APOLD1: variants seen among roughly 807,000 people sequenced by gnomAD.
APOLD1 encodes the protein apolipoprotein L domain-containing protein 1.
In APOLD1, 22 loss-of-function variants were observed where a neutral mutation model predicts 15.3. The ratio of observed to expected loss-of-function variants is 1.44; its 90% CI spans 1.03 to 2.05. The LOEUF is 2.05. APOLD1 is among the 30% of genes most tolerant of loss of function. The pLI, the probability that APOLD1 is intolerant of heterozygous loss-of-function variation, is 0.00. For synonymous variants in APOLD1, 190 were observed against 167.4 expected, an observed-to-expected ratio of 1.13 and a Z score of -1.04; for missense variants, 394 against 353.5, an observed-to-expected ratio of 1.11 and a Z score of -0.92.
intron 1 of APOLD1, among the ~76,000 whole-genome samples, chr12:12,743,832 C>T (rs907768662): frequency 6.6e-5 from 10 of 152,174 alleles, no homozygotes; most frequent in African/African-American, 2.2e-4. Context: ...GCTTAGCTTG[C>T]TGTTGCTGGC....
At chr12:12,783,743 C>T (rs2136400247), upstream of APOLD1, among the ~76,000 whole-genome samples, 1 of 151,406 alleles carries the variant, frequency 6.6e-6, no homozygotes, top group South Asian at 2.1e-4. Flanking sequence ...AAGTGATCCT[C>T]CTGCCTCAGC....
chr12:12,759,119 T>A (rs1946879432), intron 1 of APOLD1, among the ~76,000 whole-genome samples: 1 of 152,182 alleles, frequency 6.6e-6, no homozygotes, highest in African/African-American at 2.4e-5. Flanking sequence ...ATCACGCTAC[T>A]CAAATGGCAT....
chr12:12,751,056 C>T (rs1385305518), intron 1 of APOLD1, among the ~76,000 whole-genome samples: 2 of 150,846 alleles, frequency 1.3e-5, no homozygotes, highest in South Asian at 2.1e-4. Context: ...CCCAAATTGT[C>T]AGGATCACAG....
At chr12:12,754,909 T>C (rs1419497836) in intron 1 of APOLD1, among the ~76,000 whole-genome samples, 4 of 147,242 alleles carry the variant, frequency 2.7e-5, no homozygotes, top group Non-Finnish European at 5.9e-5. Flanking sequence ...TAGCCAAGCA[T>C]GGTGGCACAC....
At chr12:12,775,286 G>A (rs1325223466) in intron 1 of APOLD1, among the ~76,000 whole-genome samples, 1 of 152,226 alleles carries the variant, frequency 6.6e-6, no homozygotes, top group African/African-American at 2.4e-5. Context: ...GTTGCCAGGG[G>A]TTAGGAGGGA....
At chr12:12,771,401 AATC>A in intron 1 of APOLD1, 1 of 370,124 alleles carries the variant, frequency 2.7e-6, no homozygotes. Context: ...GCAGCAACAA[AATC>A]ATCATTATTA....
intron 1 of APOLD1, among the ~76,000 whole-genome samples, chr12:12,745,685 A>C (rs1946760180): frequency 6.6e-6 from 1 of 152,034 alleles, no homozygotes; most frequent in South Asian, 2.1e-4. Context: ...GTACACGTTG[A>C]ATTTGTGGTA....
At chr12:12,773,619 T>G (rs193062889) in intron 1 of APOLD1, among the ~76,000 whole-genome samples, 54 of 152,160 alleles carry the variant, frequency 3.5e-4, no homozygotes, top group African/African-American at 1.3e-3. Flanking sequence ...TCAATGAAAT[T>G]AAAAATAGGA....
chr12:12,726,131 C>G lies in APOLD1; in HGVS notation c.96+35C>G, dbSNP rs552054785. ...GGGAGTGCGGGAGGGTGGAGGTGGC[C>G]CGGAAAAGAACACCTCTTCGCAACC... On this transcript the variant is annotated intron_variant, in intron 1 of 1. Transcript: ENST00000326765. The G allele has an allele frequency of 3.9e-6, 4 of 1,024,608 alleles. No individual in the cohort carries two copies. The African/African-American group carries it at 6.3e-5, about 16-fold the overall frequency. The allele number at this position is 1,024,608 out of a possible 1,614,324, so 63.5% of individuals were successfully genotyped here.
chr12:12,768,275 C>T (rs975905520), intron 1 of APOLD1, among the ~76,000 whole-genome samples: 3 of 152,076 alleles, frequency 2.0e-5, no homozygotes, highest in Non-Finnish European at 4.4e-5. Flanking sequence ...GATAATTGCA[C>T]CACATTGTGT....
upstream of APOLD1, chr12:12,785,648 G>C (rs760083845): frequency 6.2e-7 from 1 of 1,614,070 alleles, no homozygotes; most frequent in Non-Finnish European, 8.5e-7. Flanking sequence ...CACTCATCCA[G>C]AAACAGCCTC....
At chr12:12,732,733 A>AG (rs1442189932) in intron 1 of APOLD1, among the ~76,000 whole-genome samples, 2 of 151,110 alleles carry the variant, frequency 1.3e-5, no homozygotes, top group Non-Finnish European at 3.0e-5. Flanking sequence ...CTGTCTCAAA[A>AG]AAAAAAAAAA....
At position 12,790,324 on chromosome 12, in the gene APOLD1, C is replaced by G. The variant is rs1687006875; in HGVS notation, c.*2672C>G. Reference sequence around the variant, plus strand: ...CTGGCCAGATGCTAGCATTTTAGATCAAACAATTCATTTTAGATGAATTGT... The same window carrying G: ...CTGGCCAGATGCTAGCATTTTAGATGAAACAATTCATTTTAGATGAATTGT... On this transcript the variant is annotated 3_prime_UTR_variant, in exon 2 of 2. Transcript: ENST00000356591. 6.6e-6 allele frequency: 1 copy of G among 152,160 alleles called. No homozygotes were observed. The highest frequency in any genetic ancestry group is 2.1e-4 in the South Asian group (1 of 4,828). The allele number at this position is 152,160 out of a possible 1,614,324, so 9.4% of individuals were successfully genotyped here.
intron 1 of APOLD1, among the ~76,000 whole-genome samples, chr12:12,733,445 T>C: frequency 6.6e-6 from 1 of 152,204 alleles, no homozygotes; most frequent in East Asian, 1.9e-4. Flanking sequence ...AATTCACATG[T>C]ATATAGGCAT....
chr12:12,778,212 G>A (rs1347598034), intron 1 of APOLD1, among the ~76,000 whole-genome samples: 1 of 151,066 alleles, frequency 6.6e-6, no homozygotes, highest in East Asian at 2.0e-4. Context: ...TTACAGGTGT[G>A]AGCCACTGTA....
Position 12,790,648 on chromosome 12 carries a change from C to T in APOLD1, c.*2996C>T, listed in dbSNP as rs931998011. 3.9e-5 allele frequency: 6 copies of T among 152,086 alleles called. No homozygotes were observed. Among genetic ancestry groups the T allele is most frequent in the Admixed American group, 6.6e-5 (1 of 15,264 alleles). 9.4% of individuals were successfully genotyped at this position (152,086 alleles called of 1,614,324 possible). A position where few individuals can be genotyped will look rare whatever the true frequency, so the allele number is the denominator to read the frequency against. ...CTAAGGAAGAGTGTCTACTTTGGAA[C>T]GATACTTTGCACATAGTAGGAACTC... On this transcript the variant is annotated 3_prime_UTR_variant, in exon 2 of 2. Transcript: ENST00000356591.
In APOLD1 at chr12:12,776,017, A is replaced by AAAC. The variant is rs1299926790; in HGVS notation, c.97-10890_97-10889insCAA. On this transcript the variant is annotated intron_variant, in intron 1 of 1. Transcript: ENST00000326765. ...AGACCCAGTCTCAAAAAAAAAAAAAAAAAAAAAAACACAACAAACAAACAA... is the reference window on the plus strand; with the variant it reads ...AGACCCAGTCTCAAAAAAAAAAAAAAAACAAAAAAAAACACAACAAACAAACAA... Among the ~76,000 whole-genome samples, 13 of 150,956 alleles carry AAAC rather than the reference A, an allele frequency of 8.6e-5. No homozygotes were observed. In the South Asian group the frequency reaches 2.3e-3, roughly 27 times the overall value.
exon 1 of APOLD1, chr12:12,726,020 A>G: frequency 6.6e-7 from 1 of 1,526,430 alleles, no homozygotes; most frequent in Non-Finnish European, 8.8e-7. Context: ...GCGCCGTGTC[A>G]CCGGCTGCGG....
At chr12:12,749,716 G>T (rs185798762) in intron 1 of APOLD1, among the ~76,000 whole-genome samples, 14 of 152,262 alleles carry the variant, frequency 9.2e-5, no homozygotes, top group South Asian at 2.1e-4. Context: ...AAACCTGTAG[G>T]GGGTATTTGG....
Sources: allele counts gnomAD v4.1 joint callset (sites outside exome capture counted in the v4.1 genomes callset), GRCh38; gene constraint gnomAD v4.1.1; transcripts MANE v1.5; gene names NCBI Gene and HGNC (gene_info 2026-07-23, HGNC 2026-07-21).